The following NSD2 variants were observed in gnomAD, a reference collection of about 807,000 sequenced individuals.
NSD2 encodes the protein histone-lysine N-methyltransferase NSD2.
A neutral mutation model predicts 139.0 loss-of-function variants in NSD2; 12 were observed. That is an observed-to-expected ratio of 0.09 (90% CI 0.06 to 0.14). The LOEUF is 0.14. Ranked by LOEUF, NSD2 falls within the 10% of genes least tolerant of loss-of-function variation. The pLI is 1.00. For missense variants in NSD2, 1,155 were observed against 1,745.0 expected (o/e 0.66, Z 6.02); for synonymous variants, 669 against 648.7 (o/e 1.03, Z -0.48).
intron 1 of NSD2, among the ~76,000 whole-genome samples, chr4:1,879,395 A>G (rs1270387845): frequency 1.3e-5 from 2 of 151,728 alleles, no homozygotes; most frequent in East Asian, 3.9e-4. Flanking sequence ...ATTTTTTTGT[A>G]TTTTTAGTAG....
At chr4:1,949,494 G>A (rs1023073923) in intron 9 of NSD2, among the ~76,000 whole-genome samples, 8 of 152,130 alleles carry the variant, frequency 5.3e-5, no homozygotes, top group African/African-American at 1.7e-4. Flanking sequence ...TGGGTGCGGT[G>A]GCTCATGCCT....
intron 1 of NSD2, among the ~76,000 whole-genome samples, chr4:1,898,469 C>A (rs948301372): frequency 6.6e-6 from 1 of 152,020 alleles, no homozygotes; most frequent in Non-Finnish European, 1.5e-5. Context: ...TCGAGACCAT[C>A]CTGGGTAACA....
intron 3 of NSD2, among the ~76,000 whole-genome samples, chr4:1,908,752 T>C (rs1032869462): frequency 2.0e-4 from 31 of 152,070 alleles, no homozygotes; most frequent in African/African-American, 7.0e-4. Context: ...GCTGTGCTTG[T>C]AGTCTGTCCC....
In NSD2 at chr4:1,982,114, G is replaced by T; in HGVS notation, c.*3205G>T. 2.5e-6 allele frequency: 1 copy of T among 396,252 alleles called. No individual in the cohort carries two copies. 24.5% of individuals were successfully genotyped at this position (396,252 alleles called of 1,614,324 possible). ...AGAGAGTTGAGACTTGCCAGTTGGG[G>T]GAAAATAGCATTTAAAATGGAAAGC... On this transcript the variant is annotated 3_prime_UTR_variant, in exon 22 of 22. Transcript: ENST00000508803.
At chr4:1,921,647 T>C (rs549964196) in intron 5 of NSD2, among the ~76,000 whole-genome samples, 1 of 151,538 alleles carries the variant, frequency 6.6e-6, no homozygotes, top group South Asian at 2.1e-4. Flanking sequence ...CCAGCTGTGG[T>C]GGCGAGCGCC....
chr4:1,964,630 G>GCGCTGCCGTTGTGATAA (rs1553878132), intron 18 of NSD2, among the ~76,000 whole-genome samples: 2 of 152,120 alleles, frequency 1.3e-5, no homozygotes, highest in African/African-American at 4.8e-5. Context: ...GAGGTGCGCT[G>GCGCTGCCGTTGTGATAA]CGCTGCCGTT....
At position 1,944,046 on chromosome 4, in the gene NSD2, A is replaced by G. The variant is rs545059583; in HGVS notation, c.1881+4268A>G. On this transcript the variant is annotated intron_variant, in intron 9 of 21. Transcript: ENST00000508803. ...GCATCAGCTGAATAACCAGGGGCAC[A>G]TGGGGGAACGTGGATGGGAATGATA... 7 of 1,061,676 alleles carry G rather than the reference A, an allele frequency of 6.6e-6. No individual in the cohort carries two copies. In the East Asian group the frequency reaches 3.1e-4, roughly 46 times the overall value. The allele number at this position is 1,061,676 out of a possible 1,614,324, so 65.8% of individuals were successfully genotyped here. A position where few individuals can be genotyped will look rare whatever the true frequency, so the allele number is the denominator to read the frequency against.
Position 1,976,445 on chromosome 4 carries a change from C to T in NSD2, c.3622-30C>T, listed in dbSNP as rs763297964. 1.1e-5 allele frequency: 17 copies of T among 1,603,864 alleles called. No homozygotes were observed. The highest frequency in any genetic ancestry group is 3.4e-5 in the Admixed American group (2 of 58,056). On this transcript the variant is annotated intron_variant, in intron 20 of 21. Coordinates refer to ENST00000508803, the MANE Select transcript of NSD2 (RefSeq NM_001042424.3). This position sits in a 1 kb window ranked among gnomAD's most constrained non-coding sequence, Gnocchi z 5.3. The stretch of plus-strand genomic sequence containing the variant: ...TTGCTTCAGCCTGTGTAATTCTTTC[C>T]GGTGATCTGTGCTTAATTCTTGACT...
At chr4:1,929,174 G>T (rs1465900869) in intron 5 of NSD2, among the ~76,000 whole-genome samples, 2 of 151,940 alleles carry the variant, frequency 1.3e-5, no homozygotes, top group East Asian at 3.9e-4. Flanking sequence ...AGAGGGAGTG[G>T]AGCACATGAC....
At chr4:1,946,220 T>A (rs1723609663) in intron 9 of NSD2, 5 of 1,015,474 alleles carry the variant, frequency 4.9e-6, no homozygotes, top group Non-Finnish European at 3.5e-6. Context: ...GTTATTGGCT[T>A]CTTAACTTCT....
At position 1,973,145 on chromosome 4, in the gene NSD2, G is replaced by A. The variant is rs761030057; in HGVS notation, c.3373-1718G>A. ...TAGGTGTGAGCCACCGCGCCCGGCC[G>A]ACATATTGTTATAAAGGGGTCTGAT... On this transcript the variant is annotated intron_variant, in intron 18 of 21. Coordinates refer to ENST00000508803, the MANE Select transcript of NSD2 (RefSeq NM_001042424.3). The surrounding 1 kb of genome is among the most constrained non-coding windows in gnomAD (Gnocchi z 5.5). Among the ~76,000 whole-genome samples the A allele has an allele frequency of 2.0e-5, 3 of 152,106 alleles. No homozygotes were observed. Among genetic ancestry groups the A allele is most frequent in the Non-Finnish European group, 2.9e-5 (2 of 68,018 alleles).
In NSD2 at chr4:1,981,303, C is replaced by T. The variant is rs1727740416; in HGVS notation, c.*2394C>T. 4.3e-6 allele frequency: 1 copy of T among 233,410 alleles called. No homozygotes were observed. Among genetic ancestry groups the T allele is most frequent in the Middle Eastern group, 1.3e-3 (1 of 786 alleles). The allele number at this position is 233,410 out of a possible 1,614,324, so 14.5% of individuals were successfully genotyped here. On this transcript the variant is annotated 3_prime_UTR_variant, in exon 22 of 22. Coordinates refer to ENST00000508803, the MANE Select transcript of NSD2 (RefSeq NM_001042424.3). ...GGAGCCAGGCTTTGGGGTAGCGGCC[C>T]TGAGCTTGCAGGGTTTCTCGCCACT...
intron 11 of NSD2, 188 bp from the exon 12 acceptor site, chr4:1,953,136 A>G (rs949991839): frequency 3.2e-6 from 5 of 1,547,582 alleles, no homozygotes; most frequent in Non-Finnish European, 4.4e-6. Flanking sequence ...CAGCAAGGTA[A>G]TCCTTGATGG....
rs993859595 is a variant in NSD2 at position 1,958,293 on chromosome 4, G to C, written c.2985+257G>C. Among the ~76,000 whole-genome samples the C allele has an allele frequency of 1.3e-5, 2 of 152,242 alleles. No individual in the cohort carries two copies. Among genetic ancestry groups the C allele is most frequent in the Non-Finnish European group, 2.9e-5 (2 of 68,034 alleles). On this transcript the variant is annotated intron_variant, in intron 16 of 21. Coordinates refer to ENST00000508803, the MANE Select transcript of NSD2 (RefSeq NM_001042424.3). This position sits in a 1 kb window ranked among gnomAD's most constrained non-coding sequence, Gnocchi z 4.6. ...AAGGGTTGGGGTGACAGTCCTGACCGGGCTGCTTGGAGCAGGAGGAGCTGA... is the reference window on the plus strand; with the variant it reads ...AAGGGTTGGGGTGACAGTCCTGACCCGGCTGCTTGGAGCAGGAGGAGCTGA...
rs150613164 is a variant in NSD2 at position 1,874,672 on chromosome 4, A to G, written c.-30+3130A>G. Among the ~76,000 whole-genome samples, 310 of 152,336 alleles carry G rather than the reference A, an allele frequency of 2.0e-3. 1 individual carries two copies. Among genetic ancestry groups the G allele is most frequent in the African/African-American group, 7.2e-3 (298 of 41,570 alleles). ...AAGGTCACTCTGAAACATTGCAAGT[A>G]TATAAGTCCAACAAGTAGTAGAACA... On this transcript the variant is annotated intron_variant, in intron 1 of 21. Transcript: ENST00000508803.
At chr4:1,950,844 G>A (rs1724141452) in intron 9 of NSD2, among the ~76,000 whole-genome samples, 2 of 152,178 alleles carry the variant, frequency 1.3e-5, no homozygotes. Context: ...CTAAATACTA[G>A]GTAGAATAAA....
chr4:1,943,145 G>A (rs564013708), intron 9 of NSD2: 2 of 1,044,334 alleles, frequency 1.9e-6, no homozygotes, highest in Non-Finnish European at 2.3e-6. Flanking sequence ...GAGCAGCCTG[G>A]TGTCCTGCCC....
intron 2 of NSD2, among the ~76,000 whole-genome samples, chr4:1,904,008 A>G (rs1045153120): frequency 6.6e-6 from 1 of 152,190 alleles, no homozygotes; most frequent in Admixed American, 6.5e-5. Context: ...TGCTGGGACT[A>G]CAGGCGTGAG....
In NSD2 at chr4:1,979,035, C is replaced by A; in HGVS notation, c.*126C>A. 7.9e-7 allele frequency: 1 copy of A among 1,271,826 alleles called. No homozygotes were observed. The highest frequency in any genetic ancestry group is 1.8e-5 in the South Asian group (1 of 56,454). 78.8% of individuals were successfully genotyped at this position (1,271,826 alleles called of 1,614,324 possible). A position where few individuals can be genotyped will look rare whatever the true frequency, so the allele number is the denominator to read the frequency against. On this transcript the variant is annotated 3_prime_UTR_variant, in exon 22 of 22. Transcript: ENST00000508803. ...GCCGCCAGGACACAGACGTACAGGC[C>A]TCCTCGGGAGGGAGCGCCTCCCCAC...
Sources: gnomAD v4.1 joint callset for allele counts (sites outside exome capture counted in the v4.1 genomes callset) on GRCh38, gnomAD v4.1.1 for gene constraint, Gnocchi (gnomAD v3.1) non-coding constraint, MANE v1.5 for transcripts, NCBI Gene and HGNC (gene_info 2026-07-23, HGNC 2026-07-21) for gene names.